GRID1: variants seen among roughly 807,000 people sequenced by gnomAD.
GRID1 encodes the protein glutamate ionotropic receptor delta type subunit 1.
Under a neutral mutation model 98.0 loss-of-function variants are expected in GRID1, and 28 were observed. That is an observed-to-expected ratio of 0.29 (90% CI 0.21 to 0.39). GRID1 has a LOEUF of 0.39. Ranked by LOEUF, GRID1 falls within the 10% of genes least tolerant of loss-of-function variation. The pLI is 1.00. For missense variants in GRID1, 1,111 were observed against 1,340.5 expected (o/e 0.83, Z 2.67); for synonymous variants, 553 against 538.5 (o/e 1.03, Z -0.37).
chr10:85,667,860 G>A (rs766252771), intron 12 of GRID1, among the ~76,000 whole-genome samples: 4 of 152,110 alleles, frequency 2.6e-5, no homozygotes, highest in East Asian at 1.9e-4. Flanking sequence ...AGGCTTCCCC[G>A]CTCTGCAGGA....
At chr10:85,842,652 G>A (rs1418932201) in intron 8 of GRID1, among the ~76,000 whole-genome samples, 1 of 151,998 alleles carries the variant, frequency 6.6e-6, no homozygotes, top group Non-Finnish European at 1.5e-5. Context: ...CAAGTTAGAA[G>A]AAATGACCAA....
At chr10:85,771,734 C>A (rs1016099346) in intron 8 of GRID1, among the ~76,000 whole-genome samples, 15 of 152,194 alleles carry the variant, frequency 9.9e-5, no homozygotes, top group Non-Finnish European at 1.9e-4. Flanking sequence ...GCGGCCATTA[C>A]ATAATGGTAA....
At chr10:86,014,118 C>T (rs962899827) in intron 4 of GRID1, among the ~76,000 whole-genome samples, 7 of 152,192 alleles carry the variant, frequency 4.6e-5, no homozygotes, top group African/African-American at 1.4e-4. Flanking sequence ...TTCCAGGCTA[C>T]AGGACAGAGG....
chr10:85,678,689 T>C (rs1039792731), intron 12 of GRID1, among the ~76,000 whole-genome samples: 21 of 152,150 alleles, frequency 1.4e-4, no homozygotes, highest in Non-Finnish European at 4.4e-5. Flanking sequence ...TCTAAAGACA[T>C]GATAAGGTCC....
chr10:86,262,179 T>C (rs1278780216), intron 2 of GRID1, among the ~76,000 whole-genome samples: 1 of 152,216 alleles, frequency 6.6e-6, no homozygotes, highest in Non-Finnish European at 1.5e-5. Context: ...TGAAAGCAGT[T>C]AGTCTGCCCC....
intron 4 of GRID1, among the ~76,000 whole-genome samples, chr10:85,990,842 C>A (rs11592215): frequency 0.51 from 77,532 of 152,044 alleles, 20,144 homozygotes; most frequent in South Asian, 0.72. Context: ...AATCGGAAAC[C>A]AATAGAATAA....
intron 8 of GRID1, among the ~76,000 whole-genome samples, chr10:85,811,497 G>T (rs1169345665): frequency 6.6e-6 from 1 of 151,772 alleles, no homozygotes; most frequent in Admixed American, 6.6e-5. Flanking sequence ...TTAAACAAGA[G>T]ATAGATATTA....
At chr10:85,806,946 GA>G (rs1336228792) in intron 8 of GRID1, among the ~76,000 whole-genome samples, 1 of 151,912 alleles carries the variant, frequency 6.6e-6, no homozygotes, top group Non-Finnish European at 1.5e-5. Flanking sequence ...CATCTCAACA[GA>G]TTTTTTTAAA....
At chr10:85,800,697 A>G (rs909299503) in intron 8 of GRID1, among the ~76,000 whole-genome samples, 1 of 152,080 alleles carries the variant, frequency 6.6e-6, no homozygotes, top group African/African-American at 2.4e-5. Context: ...GACAGAAATT[A>G]ACACAATTAT....
In GRID1 at chr10:86,112,762, G is replaced by A. The variant is rs964554952; in HGVS notation, c.726+26057C>T. On this transcript the variant is annotated intron_variant, in intron 4 of 15. Coordinates refer to ENST00000327946, the MANE Select transcript of GRID1 (RefSeq NM_017551.3). Reference sequence around the variant, plus strand: ...AATTTCCACTGATATGTTTTCTAACGATACATCATGAGAACCAAGGCAACT... The same window carrying A: ...AATTTCCACTGATATGTTTTCTAACAATACATCATGAGAACCAAGGCAACT... 8.5e-5 allele frequency among the ~76,000 whole-genome samples: 13 copies of A among 152,140 alleles called. No individual in the cohort carries two copies. In the East Asian group the frequency reaches 1.7e-3, roughly 20 times the overall value.
intron 4 of GRID1, among the ~76,000 whole-genome samples, chr10:85,929,199 G>C (rs1325327481): frequency 1.3e-5 from 2 of 152,176 alleles, no homozygotes; most frequent in Non-Finnish European, 2.9e-5. Flanking sequence ...AGAGTCTTTG[G>C]TGTGTGGAGA....
At chr10:86,212,893 A>G (rs1468759912) in intron 2 of GRID1, among the ~76,000 whole-genome samples, 2 of 152,142 alleles carry the variant, frequency 1.3e-5, no homozygotes, top group African/African-American at 4.8e-5. Context: ...GGTAACCAAA[A>G]CCATAAAATG....
intron 13 of GRID1, among the ~76,000 whole-genome samples, chr10:85,635,331 AG>A (rs976693847): frequency 9.2e-5 from 14 of 152,248 alleles, no homozygotes; most frequent in African/African-American, 3.4e-4. Context: ...GGAGTTATAA[AG>A]GGGCCAACTC....
At position 85,680,417 on chromosome 10, in the gene GRID1, T is replaced by G. The variant is rs535111622; in HGVS notation, c.1998-33020A>C. 3.3e-5 allele frequency among the ~76,000 whole-genome samples: 5 copies of G among 152,288 alleles called. No individual in the cohort carries two copies. In the East Asian group the frequency reaches 9.6e-4, roughly 29 times the overall value. On this transcript the variant is annotated intron_variant, in intron 12 of 15. Coordinates refer to ENST00000327946, the MANE Select transcript of GRID1 (RefSeq NM_017551.3). ...GTGCCACATGATCATGGCCAACTCC[T>G]GATGGAAACTCTCATCCATCTGCCA...
chr10:86,185,250 A>C (rs1301840070), intron 3 of GRID1, among the ~76,000 whole-genome samples: 1 of 152,046 alleles, frequency 6.6e-6, no homozygotes, highest in Non-Finnish European at 1.5e-5. Flanking sequence ...GCTATTGTAA[A>C]TAGTATTCTT....
chr10:86,159,346 A>G (rs987409425), intron 3 of GRID1, among the ~76,000 whole-genome samples: 1 of 152,226 alleles, frequency 6.6e-6, no homozygotes, highest in Non-Finnish European at 1.5e-5. Context: ...ATGGAGCTGA[A>G]AAACTTCTAT....
chr10:85,976,691 T>C (rs1373491405), intron 4 of GRID1, among the ~76,000 whole-genome samples: 1 of 152,214 alleles, frequency 6.6e-6, no homozygotes, highest in African/African-American at 2.4e-5. Context: ...AGTTCCCCAG[T>C]GTCCCTGCAG....
intron 8 of GRID1, among the ~76,000 whole-genome samples, chr10:85,815,596 A>T (rs1842709893): frequency 6.6e-6 from 1 of 152,080 alleles, no homozygotes. Context: ...TGGACCACAG[A>T]CTTAAATGTA....
intron 2 of GRID1, among the ~76,000 whole-genome samples, chr10:86,297,260 G>A (rs1383555843): frequency 1.3e-5 from 2 of 152,152 alleles, no homozygotes; most frequent in Non-Finnish European, 2.9e-5. Context: ...ACAAAGTACT[G>A]TAGAACTTGC....
Sources: allele counts gnomAD v4.1 joint callset (sites outside exome capture counted in the v4.1 genomes callset), GRCh38; gene constraint gnomAD v4.1.1; transcripts MANE v1.5; gene names NCBI Gene and HGNC (gene_info 2026-07-23, HGNC 2026-07-21).